The following RAB30 variants were observed in gnomAD, a reference collection of about 807,000 sequenced individuals.
RAB30 encodes ras-related protein Rab-30.
A neutral mutation model predicts 25.1 loss-of-function variants in RAB30; 9 were observed. That is an observed-to-expected ratio of 0.36 (90% CI 0.22 to 0.63). The LOEUF is 0.63. Ranked by LOEUF, RAB30 falls within the 20% of genes least tolerant of loss-of-function variation. RAB30 has a pLI of 0.69. For synonymous variants in RAB30, 77 were observed against 86.4 expected, an observed-to-expected ratio of 0.89 and a Z score of 0.60; for missense variants, 140 against 243.5, an observed-to-expected ratio of 0.58 and a Z score of 2.83.
At chr11:83,053,614 T>A (rs1197896958) in intron 1 of RAB30, among the ~76,000 whole-genome samples, 1 of 130,542 alleles carries the variant, frequency 7.7e-6, no homozygotes, top group African/African-American at 3.7e-5. Flanking sequence ...GCTTCCTAAA[T>A]GCCTTCAAAA....
intron 1 of RAB30, among the ~76,000 whole-genome samples, chr11:83,000,820 G>A (rs939680338): frequency 6.6e-6 from 1 of 151,976 alleles, no homozygotes; most frequent in Non-Finnish European, 1.5e-5. Context: ...TTGGGAGGCC[G>A]AGGCGGGCGG....
chr11:83,063,594 G>C (rs1858631063), intron 1 of RAB30, among the ~76,000 whole-genome samples: 1 of 152,102 alleles, frequency 6.6e-6, no homozygotes, highest in South Asian at 2.1e-4. Context: ...AAACCAGCAG[G>C]AACTCCGTAG....
chr11:82,980,625 T>A lies in RAB30; in HGVS notation c.*1540A>T, dbSNP rs1175903729. On this transcript the variant is annotated 3_prime_UTR_variant, in exon 5 of 5. Transcript: ENST00000527633. ...GAAACATCTGACAGCATCAACAGCA[T>A]ACAGGTTTAATTATTTTCCCAATTT... 6.6e-6 allele frequency: 1 copy of A among 152,248 alleles called. No homozygotes were observed. Among genetic ancestry groups the A allele is most frequent in the East Asian group, 1.9e-4 (1 of 5,204 alleles). The allele number at this position is 152,248 out of a possible 1,614,324, so 9.4% of individuals were successfully genotyped here.
intron 1 of RAB30, among the ~76,000 whole-genome samples, chr11:83,067,453 T>C (rs1269869952): frequency 1.3e-5 from 2 of 152,150 alleles, no homozygotes; most frequent in African/African-American, 2.4e-5. Flanking sequence ...TACTCCATCA[T>C]GCCACATCCT....
rs186944034 is a variant in RAB30, at chr11:83,000,530, C to T, written c.-8-3206G>A. Among the ~76,000 whole-genome samples, 61 of 152,342 alleles carry T rather than the reference C, an allele frequency of 4.0e-4. 1 individual carries two copies. Among genetic ancestry groups the T allele is most frequent in the African/African-American group, 1.3e-3 (56 of 41,578 alleles). ...AGGCATGAGGCTCTGTGGACCACAA[C>T]TCTCTGCTTTCATAAGCCCATAAGA... is the stretch of plus-strand genomic sequence containing the variant. On this transcript the variant is annotated intron_variant, in intron 1 of 4. Transcript: ENST00000527633.
At chr11:82,991,292 C>T (rs1174487678) in intron 3 of RAB30, among the ~76,000 whole-genome samples, 1 of 151,948 alleles carries the variant, frequency 6.6e-6, no homozygotes, top group African/African-American at 2.4e-5. Context: ...ATTACTTCAG[C>T]CCAGGAGTGA....
At chr11:83,049,563 C>T (rs771648960) in intron 1 of RAB30, among the ~76,000 whole-genome samples, 1 of 151,636 alleles carries the variant, frequency 6.6e-6, no homozygotes, top group South Asian at 2.1e-4. Flanking sequence ...TCACTACAGC[C>T]TCAACCTGCG....
In RAB30 at chr11:82,982,273, G is replaced by A; in HGVS notation, c.504C>T (p.Cys168=). 1 of 1,614,204 alleles carries A rather than the reference G, an allele frequency of 6.2e-7. No homozygotes were observed. Among genetic ancestry groups the A allele is most frequent in the African/African-American group, 1.3e-5 (1 of 75,046 alleles). The change falls in exon 5 of 5, where the codon TGC becomes TGT. Residue 168 remains cysteine (C), a synonymous_variant. Coordinates refer to ENST00000527633, the MANE Select transcript of RAB30 (RefSeq NM_001286060.2). ...TCTGTCTGGCTTCACTGATGAGTCG[G>A]CATGCTAAGTCAAGGAAGAGTTTCT... ...NVEKLFLDLA[C]RLISEARQNT... is the part of the protein sequence containing the mutation.
At chr11:83,045,651 CTT>C (rs1858218851) in intron 1 of RAB30, among the ~76,000 whole-genome samples, 1 of 152,164 alleles carries the variant, frequency 6.6e-6, no homozygotes, top group African/African-American at 2.4e-5. Context: ...ACAAAATTGA[CTT>C]AACCTGTACA....
intron 1 of RAB30, among the ~76,000 whole-genome samples, chr11:83,002,673 G>A (rs542661781): frequency 1.4e-5 from 2 of 141,690 alleles, no homozygotes; most frequent in East Asian, 2.0e-4. Context: ...GGTGGCTCAC[G>A]CCTGTAACCC....
chr11:83,003,913 A>G (rs1002851915), intron 1 of RAB30, among the ~76,000 whole-genome samples: 1 of 152,198 alleles, frequency 6.6e-6, no homozygotes, highest in Non-Finnish European at 1.5e-5. Flanking sequence ...TTTATTCAAC[A>G]TTTGTTCATA....
chr11:83,029,955 C>T (rs528529686), intron 1 of RAB30, among the ~76,000 whole-genome samples: 9 of 152,242 alleles, frequency 5.9e-5, no homozygotes, highest in African/African-American at 1.7e-4. Context: ...AAACCAGATA[C>T]CTTGTTTTCT....
chr11:83,030,861 T>C (rs1237285492), intron 1 of RAB30, among the ~76,000 whole-genome samples: 5 of 152,026 alleles, frequency 3.3e-5, no homozygotes, highest in Non-Finnish European at 7.4e-5. Context: ...TTCATACATA[T>C]GTTGAAGCCC....
chr11:83,013,189 T>G (rs1268462239), intron 1 of RAB30, among the ~76,000 whole-genome samples: 1 of 152,172 alleles, frequency 6.6e-6, no homozygotes, highest in African/African-American at 2.4e-5. Flanking sequence ...GTTCAATAAA[T>G]TCTCCTGCCT....
chr11:83,041,903 G>T (rs1042833367), intron 1 of RAB30, among the ~76,000 whole-genome samples: 5 of 151,868 alleles, frequency 3.3e-5, no homozygotes, highest in Admixed American at 6.6e-5. Context: ...TTAGACAGGT[G>T]TGGTGGCACA....
intron 1 of RAB30, chr11:83,038,971 T>C (rs1228420587): frequency 1.3e-5 from 2 of 152,168 alleles, no homozygotes; most frequent in South Asian, 2.1e-4. Flanking sequence ...TGTTATTCCA[T>C]TGTAAAAATC....
At chr11:83,012,524 T>C (rs1215980324) in intron 1 of RAB30, among the ~76,000 whole-genome samples, 2 of 152,220 alleles carry the variant, frequency 1.3e-5, no homozygotes, top group African/African-American at 4.8e-5. Flanking sequence ...GCAAGTTCCT[T>C]GTCCTCTTGG....
chr11:83,015,444 CACTT>C (rs1857414925), intron 1 of RAB30, among the ~76,000 whole-genome samples: 3 of 152,078 alleles, frequency 2.0e-5, no homozygotes, highest in Non-Finnish European at 2.9e-5. Flanking sequence ...ATAATGGCAC[CACTT>C]TCTGAAGTTG....
At chr11:82,989,167 G>C (rs1359918543) in intron 3 of RAB30, among the ~76,000 whole-genome samples, 1 of 152,138 alleles carries the variant, frequency 6.6e-6, no homozygotes, top group Admixed American at 6.5e-5. Flanking sequence ...AATGGAAACT[G>C]TCCCTTAACT....
Sources: gnomAD v4.1 joint callset for allele counts (sites outside exome capture counted in the v4.1 genomes callset) on GRCh38, gnomAD v4.1.1 for gene constraint, MANE v1.5 for transcripts, NCBI Gene and HGNC (gene_info 2026-07-23, HGNC 2026-07-21) for gene names.